The following STPG2 variants were observed in gnomAD, a reference collection of about 807,000 sequenced individuals.
STPG2 encodes the protein sperm-tail PG-rich repeat-containing protein 2.
STPG2 carries 56 observed loss-of-function variants against 54.2 expected under a neutral mutation model. The ratio of observed to expected loss-of-function variants is 1.03; its 90% CI spans 0.83 to 1.29. The LOEUF (loss-of-function observed/expected upper bound fraction) is 1.29. Ranked by LOEUF, STPG2 falls within the 50% of genes most tolerant of loss-of-function variation. The pLI is 0.00. For synonymous variants in STPG2, 200 were observed against 181.8 expected (o/e 1.10, Z -0.81); for missense variants, 596 against 544.9 (o/e 1.09, Z -0.93).
At chr4:97,585,100 T>C (rs1468455718) in intron 10 of STPG2, among the ~76,000 whole-genome samples, 1 of 3,934 alleles carries the variant, frequency 2.5e-4, no homozygotes, top group East Asian at 8.1e-3. Context: ...TAAAATATTC[T>C]CAAAAAAAAA....
chr4:98,092,284 T>C (rs2110127486), intron 5 of STPG2, among the ~76,000 whole-genome samples: 1 of 152,060 alleles, frequency 6.6e-6, no homozygotes, highest in Non-Finnish European at 1.5e-5. Context: ...CCTTAGAAAA[T>C]GGGAAAAGTG....
intron 9 of STPG2, among the ~76,000 whole-genome samples, chr4:97,805,246 G>A (rs1245283421): frequency 1.3e-5 from 2 of 152,038 alleles, no homozygotes; most frequent in Non-Finnish European, 2.9e-5. Context: ...TCACTATGTT[G>A]CTCAGGCTGG....
intron 9 of STPG2, among the ~76,000 whole-genome samples, chr4:97,737,473 G>C (rs1047067902): frequency 2.6e-5 from 4 of 152,136 alleles, no homozygotes; most frequent in African/African-American, 7.2e-5. Flanking sequence ...AAAAAATTTA[G>C]ACGAATGTAT....
At chr4:97,864,620 G>T (rs989008536) in intron 8 of STPG2, among the ~76,000 whole-genome samples, 2 of 152,110 alleles carry the variant, frequency 1.3e-5, no homozygotes, top group Non-Finnish European at 2.9e-5. Context: ...TCAAAAAAGA[G>T]CCCGCATTGC....
At chr4:97,597,734 C>T (rs990885891) in intron 10 of STPG2, among the ~76,000 whole-genome samples, 20 of 152,040 alleles carry the variant, frequency 1.3e-4, no homozygotes, top group Non-Finnish European at 2.1e-4. Context: ...CAACATACAT[C>T]GGAAGTATAA....
intron 2 of STPG2, among the ~76,000 whole-genome samples, chr4:98,132,775 C>G (rs1740034224): frequency 6.6e-6 from 1 of 151,818 alleles, no homozygotes; most frequent in Non-Finnish European, 1.5e-5. Flanking sequence ...GAGAAGATAG[C>G]AATTATAGTT....
intron 9 of STPG2, among the ~76,000 whole-genome samples, chr4:97,778,389 G>A (rs1726456757): frequency 6.6e-6 from 1 of 152,174 alleles, no homozygotes; most frequent in African/African-American, 2.4e-5. Flanking sequence ...GCTGGGGGAG[G>A]GGCGTCCAAC....
chr4:97,863,534 T>C (rs1729644024), intron 8 of STPG2, among the ~76,000 whole-genome samples: 1 of 152,212 alleles, frequency 6.6e-6, no homozygotes, highest in Non-Finnish European at 1.5e-5. Context: ...GAGGAGCTGG[T>C]ACCATTCCTT....
At chr4:97,751,509 T>A (rs1429952221) in intron 9 of STPG2, among the ~76,000 whole-genome samples, 1 of 151,796 alleles carries the variant, frequency 6.6e-6, no homozygotes, top group Non-Finnish European at 1.5e-5. Context: ...ACATGCAATA[T>A]AAGGGGGAGA....
At chr4:97,460,973 C>T (rs1009056783) in intron 4 of STPG2, among the ~76,000 whole-genome samples, 7 of 152,158 alleles carry the variant, frequency 4.6e-5, no homozygotes, top group Non-Finnish European at 8.8e-5. Context: ...CTCTTCATTC[C>T]ATTTTATAAA....
intron 9 of STPG2, among the ~76,000 whole-genome samples, chr4:97,773,995 GT>G (rs1344005287): frequency 3.4e-4 from 3 of 8,922 alleles, no homozygotes; most frequent in South Asian, 4.6e-3. Flanking sequence ...AAAATATAGG[GT>G]GTGTGTGTGT....
At chr4:97,596,018 A>G (rs747406750) in intron 10 of STPG2, among the ~76,000 whole-genome samples, 19 of 152,232 alleles carry the variant, frequency 1.2e-4, no homozygotes, top group Admixed American at 3.3e-4. Flanking sequence ...TTTCTTCAAG[A>G]GATCCACCTC....
At chr4:97,713,477 C>A (rs1724195635) in intron 9 of STPG2, among the ~76,000 whole-genome samples, 1 of 152,144 alleles carries the variant, frequency 6.6e-6, no homozygotes, top group Admixed American at 6.5e-5. Context: ...TTTTGAGAAC[C>A]ACTTTCATAG....
intron 3 of STPG2, among the ~76,000 whole-genome samples, chr4:98,112,642 TTA>T: frequency 6.6e-6 from 1 of 152,244 alleles, no homozygotes; most frequent in South Asian, 2.1e-4. Context: ...GTACAGAAAA[TTA>T]TAGTTTTTCT....
intron 10 of STPG2, among the ~76,000 whole-genome samples, chr4:97,618,741 T>G (rs527305326): frequency 7.9e-5 from 12 of 152,306 alleles, no homozygotes; most frequent in Admixed American, 7.8e-4. Flanking sequence ...TAGGTTCAAT[T>G]TGAGGACTCA....
chr4:97,471,566 T>C (rs1729929461), intron 4 of STPG2, among the ~76,000 whole-genome samples: 1 of 152,116 alleles, frequency 6.6e-6, no homozygotes, highest in Non-Finnish European at 1.5e-5. Flanking sequence ...TGGAGATCCA[T>C]AGATATTCTG....
intron 4 of STPG2, among the ~76,000 whole-genome samples, chr4:97,461,407 G>T (rs1183034745): frequency 6.6e-6 from 1 of 152,180 alleles, no homozygotes; most frequent in Non-Finnish European, 1.5e-5. Flanking sequence ...GGTGACTTTG[G>T]GAGGTAATTA....
chr4:97,741,143 A>G (rs375518440), intron 9 of STPG2, among the ~76,000 whole-genome samples: 2 of 152,170 alleles, frequency 1.3e-5, no homozygotes, highest in African/African-American at 2.4e-5. Flanking sequence ...ATGCTGCTGG[A>G]AAAACTGGCT....
At chr4:97,667,423 T>C (rs926094126) in intron 10 of STPG2, among the ~76,000 whole-genome samples, 3 of 152,244 alleles carry the variant, frequency 2.0e-5, no homozygotes, top group East Asian at 1.9e-4. Context: ...CAAGCAAGTA[T>C]ATAGTAAGAC....
Sources: allele counts gnomAD v4.1 joint callset (sites outside exome capture counted in the v4.1 genomes callset), GRCh38; gene constraint gnomAD v4.1.1; transcripts MANE v1.5; gene names NCBI Gene and HGNC (gene_info 2026-07-23, HGNC 2026-07-21).